The following E2F3 variants were observed in gnomAD, a reference collection of about 807,000 sequenced individuals.
E2F3 encodes the protein transcription factor E2F3.
E2F3 carries 11 observed loss-of-function variants against 44.4 expected under a neutral mutation model. That is an observed-to-expected ratio of 0.25 (90% CI 0.16 to 0.41). The LOEUF (loss-of-function observed/expected upper bound fraction) is 0.41. Among genes scored for constraint, E2F3 ranks in the 10% least tolerant of loss-of-function variants. E2F3 has a pLI of 1.00. For synonymous variants in E2F3, 249 were observed against 253.0 expected (o/e 0.98, Z 0.15); for missense variants, 487 against 583.6 (o/e 0.83, Z 1.70).
chr6:20,412,915 G>C (rs900898808), intron 1 of E2F3, among the ~76,000 whole-genome samples: 4 of 152,174 alleles, frequency 2.6e-5, no homozygotes, highest in African/African-American at 9.7e-5. Context: ...AATGTTTATC[G>C]AGTGCCCGCA....
intron 1 of E2F3, among the ~76,000 whole-genome samples, chr6:20,443,413 A>T (rs1444154505): frequency 1.3e-5 from 2 of 152,180 alleles, no homozygotes; most frequent in Non-Finnish European, 2.9e-5. Context: ...GTCTCAGCCT[A>T]TGTGAATTCT....
chr6:20,486,896 C>T, intron 5 of E2F3, 93 bp downstream of exon 5: 3 of 742,934 alleles, frequency 4.0e-6, no homozygotes, highest in Admixed American at 2.7e-5. Context: ...GTCTGTCCCC[C>T]TCCTATGAAC....
intron 4 of E2F3, among the ~76,000 whole-genome samples, chr6:20,485,920 G>A (rs1413395773): frequency 1.3e-5 from 2 of 152,134 alleles, no homozygotes; most frequent in Non-Finnish European, 2.9e-5. Flanking sequence ...CTTGTAGATA[G>A]AAGTAACTGG....
chr6:20,463,002 G>A (rs1242485933), intron 1 of E2F3, among the ~76,000 whole-genome samples: 5 of 149,016 alleles, frequency 3.4e-5, no homozygotes, highest in Non-Finnish European at 4.4e-5. Context: ...ATAGCTCACT[G>A]CAGCCTCAAA....
chr6:20,486,774 A>G lies in E2F3; in HGVS notation c.970A>G (p.Thr324Ala), dbSNP rs951556755. 1 of 1,613,412 alleles carries G rather than the reference A, an allele frequency of 6.2e-7. No homozygotes were observed. The highest frequency in any genetic ancestry group is 8.5e-7 in the Non-Finnish European group (1 of 1,179,720). The change falls in exon 5 of 7, where the codon ACA (threonine) becomes GCA (alanine). Residue 324 changes from threonine (T) to alanine (A), a missense_variant. Physicochemically the swap from Thr to Ala is moderately conservative, Grantham distance 58 (BLOSUM62 0). Around this residue, in one of 3 missense-constraint regions of E2F3, gnomAD observed 220 missense variants for 261.7 expected, o/e 0.84. Transcript: ENST00000346618. Reference sequence around the variant, plus strand: ...TATAGTTGTGAAAGCCCCTCCAGAAACAAGACTTGAAGTGCCTGACTCAAT... The same window carrying G: ...TATAGTTGTGAAAGCCCCTCCAGAAGCAAGACTTGAAGTGCCTGACTCAAT... ...TVIVVKAPPE[T>A]RLEVPDSIES... is the part of the protein sequence containing the mutation.
At chr6:20,418,309 AG>A (rs1382089808) in intron 1 of E2F3, among the ~76,000 whole-genome samples, 11 of 152,252 alleles carry the variant, frequency 7.2e-5, no homozygotes, top group Admixed American at 3.9e-4. Flanking sequence ...CACATTCGAC[AG>A]TAACAAGTGG....
At chr6:20,443,035 C>T (rs1288837717) in intron 1 of E2F3, among the ~76,000 whole-genome samples, 1 of 152,080 alleles carries the variant, frequency 6.6e-6, no homozygotes, top group African/African-American at 2.4e-5. Flanking sequence ...ACGCAGGTGG[C>T]TCATGGGCAC....
At chr6:20,453,593 G>T (rs775140640) in intron 1 of E2F3, among the ~76,000 whole-genome samples, 5 of 151,984 alleles carry the variant, frequency 3.3e-5, no homozygotes, top group Non-Finnish European at 7.4e-5. Context: ...TTTATTATTT[G>T]TGGAGACGAG....
Position 20,488,018 on chromosome 6 carries a change from A to G in E2F3, c.1000-95A>G, listed in dbSNP as rs922711423. The G allele has an allele frequency of 2.6e-6, 4 of 1,552,330 alleles. No individual in the cohort carries two copies. In the African/African-American group the frequency reaches 5.5e-5, roughly 21 times the overall value. The stretch of plus-strand genomic sequence containing the variant: ...TAGGGAAAAAGCAAGTGAAAAACGA[A>G]CATTGTTCTTACTTTCCATTTTTAG... On this transcript the variant is annotated intron_variant, in intron 5 of 6. Transcript: ENST00000346618.
chr6:20,491,342 C>A lies in E2F3; in HGVS notation c.*912C>A. ...TTTTTGCAAATTCATATTACTTAAG[C>A]AGAGGGAGAGAACCTCTACTGATCA... On this transcript the variant is annotated 3_prime_UTR_variant, in exon 7 of 7. Coordinates refer to ENST00000346618, the MANE Select transcript of E2F3 (RefSeq NM_001949.5). 4.4e-6 allele frequency: 1 copy of A among 228,358 alleles called. No homozygotes were observed. Among genetic ancestry groups the A allele is most frequent in the Non-Finnish European group, 8.7e-6 (1 of 114,614 alleles). The allele number at this position is 228,358 out of a possible 1,614,324, so 14.1% of individuals were successfully genotyped here.
chr6:20,481,114 G>A, intron 2 of E2F3, 92 bp from the exon 3 acceptor site: 1 of 1,191,642 alleles, frequency 8.4e-7, no homozygotes, highest in Non-Finnish European at 1.2e-6. Flanking sequence ...TGGCTGCAGT[G>A]GGAAAGAGAG....
chr6:20,481,152 T>C (rs1241546916), intron 2 of E2F3, 54 bp from the exon 3 acceptor site: 11 of 1,550,170 alleles, frequency 7.1e-6, no homozygotes, highest in Non-Finnish European at 9.7e-6. Flanking sequence ...ACACCCTTCA[T>C]TTCTTTACCT....
rs1762530804 is a variant in E2F3 at position 20,490,652 on chromosome 6, C to T, written c.*222C>T. On this transcript the variant is annotated 3_prime_UTR_variant, in exon 7 of 7. Transcript: ENST00000346618. The surrounding 1 kb of genome is among the most constrained non-coding windows in gnomAD (Gnocchi z 4.3). ...TGCAGGCTCCCTTGGGAAAGCCCTG[C>T]TTTGCTCCAGGCTCCAAGATCTCCT... 1 of 394,730 alleles carries T rather than the reference C, an allele frequency of 2.5e-6. No individual in the cohort carries two copies. 24.5% of individuals were successfully genotyped at this position (394,730 alleles called of 1,614,324 possible).
chr6:20,474,251 T>C (rs1761978730), intron 1 of E2F3, among the ~76,000 whole-genome samples: 1 of 152,186 alleles, frequency 6.6e-6, no homozygotes, highest in Admixed American at 6.5e-5. Flanking sequence ...ACTACATACA[T>C]TTTCCTACAT....
intron 1 of E2F3, among the ~76,000 whole-genome samples, chr6:20,429,805 T>C (rs1231307672): frequency 1.3e-5 from 2 of 152,142 alleles, no homozygotes; most frequent in African/African-American, 4.8e-5. Context: ...AAATGTGTGC[T>C]TACTACATTT....
At position 20,459,526 on chromosome 6, in the gene E2F3, A is replaced by AT. The variant is rs890036655; in HGVS notation, c.394-20312dup. ...AAAATTGATGTCACCGTTTACATTG[A>AT]TTTTTTTTAATACATAGAAAATTTT... On this transcript the variant is annotated intron_variant, in intron 1 of 6. Coordinates refer to ENST00000346618, the MANE Select transcript of E2F3 (RefSeq NM_001949.5). Among the ~76,000 whole-genome samples the AT allele has an allele frequency of 1.9e-4, 29 of 152,232 alleles. 1 individual carries two copies. Among genetic ancestry groups the AT allele is most frequent in the African/African-American group, 6.3e-4 (26 of 41,556 alleles).
chr6:20,415,318 G>A (rs1759808961), intron 1 of E2F3, among the ~76,000 whole-genome samples: 1 of 152,230 alleles, frequency 6.6e-6, no homozygotes, highest in Admixed American at 6.5e-5. Flanking sequence ...ACTTGATGGA[G>A]GGGACAAAGG....
intron 5 of E2F3, 66 bp downstream of exon 5, chr6:20,486,869 A>G: frequency 2.9e-6 from 3 of 1,029,002 alleles, no homozygotes; most frequent in Admixed American, 2.2e-5. Context: ...TGAATGACTC[A>G]TTGACTCATA....
rs1232187935 is a variant in E2F3 at position 20,470,626 on chromosome 6, T to TC, written c.394-9220_394-9219insC. On this transcript the variant is annotated intron_variant, in intron 1 of 6. Transcript: ENST00000346618. ...TTATTTCATTTTCCTTCTTCCTTTG[T>TC]TCAAAATACCTGTCTCGTCTTTGGT... Among the ~76,000 whole-genome samples the TC allele has an allele frequency of 2.0e-5, 3 of 152,366 alleles. No homozygotes were observed. The East Asian group carries it at 5.8e-4, about 29-fold the overall frequency.
Sources: allele counts gnomAD v4.1 joint callset (sites outside exome capture counted in the v4.1 genomes callset), GRCh38; gene constraint gnomAD v4.1.1; regional missense constraint gnomAD v4.1.1; non-coding constraint Gnocchi (gnomAD v3.1); transcripts MANE v1.5; gene names NCBI Gene and HGNC (gene_info 2026-07-23, HGNC 2026-07-21).